TOX2: variants seen among roughly 807,000 people sequenced by gnomAD.
TOX2 encodes the protein granulosa cell HMG box 1.
A neutral mutation model predicts 47.4 loss-of-function variants in TOX2; 15 were observed. The observed-to-expected ratio is 0.32, with a 90% CI of 0.21 to 0.49. The LOEUF (loss-of-function observed/expected upper bound fraction) is 0.49, where lower values mean the gene tolerates loss of function less well. Among genes scored for constraint, TOX2 ranks in the 20% least tolerant of loss-of-function variants. The pLI is 0.99. For missense variants in TOX2, 622 were observed against 673.1 expected (o/e 0.92, Z 0.84); for synonymous variants, 290 against 296.6 (o/e 0.98, Z 0.23).
At chr20:44,013,798 G>T (rs922543203) in intron 3 of TOX2, among the ~76,000 whole-genome samples, 4 of 152,072 alleles carry the variant, frequency 2.6e-5, no homozygotes, top group Non-Finnish European at 4.4e-5. Flanking sequence ...TGACACCAAA[G>T]GGGAATGATT....
intron 2 of TOX2, among the ~76,000 whole-genome samples, chr20:44,000,592 G>C (rs1039995913): frequency 6.6e-6 from 1 of 152,110 alleles, no homozygotes; most frequent in East Asian, 1.9e-4. Context: ...GGTCTGGCTC[G>C]GTGGTAAGAA....
At chr20:43,975,007 A>G (rs899525512) in intron 2 of TOX2, among the ~76,000 whole-genome samples, 15 of 152,372 alleles carry the variant, frequency 9.8e-5, no homozygotes, top group African/African-American at 3.4e-4. Flanking sequence ...TTGGAAGAGT[A>G]CACTGATGTC....
chr20:43,980,466 T>A (rs2070151377), intron 2 of TOX2, among the ~76,000 whole-genome samples: 1 of 152,186 alleles, frequency 6.6e-6, no homozygotes, highest in Non-Finnish European at 1.5e-5. Flanking sequence ...CAACAAAGTA[T>A]AGTCAATAAT....
intron 1 of TOX2, among the ~76,000 whole-genome samples, chr20:43,934,834 G>C (rs1020610248): frequency 7.5e-6 from 1 of 134,142 alleles, no homozygotes; most frequent in Non-Finnish European, 1.7e-5. Context: ...GTATGTGGGG[G>C]TGTGTGTTGG....
intron 2 of TOX2, among the ~76,000 whole-genome samples, chr20:43,991,722 C>T (rs1173803013): frequency 6.6e-6 from 1 of 151,838 alleles, no homozygotes; most frequent in Non-Finnish European, 1.5e-5. Flanking sequence ...CAGCTCACTG[C>T]AACCTCCACC....
chr20:43,998,825 T>C (rs1036716798), intron 2 of TOX2, among the ~76,000 whole-genome samples: 1 of 152,182 alleles, frequency 6.6e-6, no homozygotes, highest in Non-Finnish European at 1.5e-5. Context: ...AGTGGCACAA[T>C]CTCAGCTCAC....
intron 2 of TOX2, among the ~76,000 whole-genome samples, chr20:43,994,421 T>G (rs11907404): frequency 0.4 from 59,242 of 147,830 alleles, 12,167 homozygotes; most frequent in South Asian, 0.51. Context: ...ATCATGCTAT[T>G]GCACTCTAGC....
chr20:44,026,228 G>GATATATAT (rs6147358), intron 3 of TOX2, among the ~76,000 whole-genome samples: 2,390 of 60,094 alleles, frequency 0.04, 355 homozygotes, highest in South Asian at 0.092. Context: ...AAGAAACTGT[G>GATATATAT]ATATATATAT....
At chr20:43,925,671 C>T (rs895233931) in intron 1 of TOX2, among the ~76,000 whole-genome samples, 16 of 152,140 alleles carry the variant, frequency 1.1e-4, no homozygotes, top group South Asian at 2.1e-4. Flanking sequence ...TGTTGGGTGC[C>T]GGTTCCTTAG....
At chr20:44,001,007 A>T (rs2070570687) in intron 2 of TOX2, among the ~76,000 whole-genome samples, 2 of 152,128 alleles carry the variant, frequency 1.3e-5, no homozygotes, top group African/African-American at 4.8e-5. Flanking sequence ...TGGGATGAAA[A>T]CATGATTGGA....
rs540081240 is a variant in TOX2 at position 44,002,966 on chromosome 20, T to A, written c.166-3581T>A. Among the ~76,000 whole-genome samples the A allele has an allele frequency of 2.6e-5, 4 of 152,100 alleles. No homozygotes were observed. In the East Asian group the frequency reaches 5.8e-4, roughly 22 times the overall value. On this transcript the variant is annotated intron_variant, in intron 2 of 8. Transcript: ENST00000341197. ...ACATGAGATTTGGAGGGGACAAATATCCAAACTGTATCAGAGGGTAAGTAA... is the reference window on the plus strand; with the variant it reads ...ACATGAGATTTGGAGGGGACAAATAACCAAACTGTATCAGAGGGTAAGTAA...
chr20:43,919,007 A>G (rs567629158), intron 1 of TOX2, among the ~76,000 whole-genome samples: 1 of 152,318 alleles, frequency 6.6e-6, no homozygotes, highest in South Asian at 2.1e-4. Flanking sequence ...GAGGCTTAGC[A>G]TCTCCGTTCC....
At chr20:44,050,149 A>G (rs765068264) in intron 3 of TOX2, among the ~76,000 whole-genome samples, 1 of 152,256 alleles carries the variant, frequency 6.6e-6, no homozygotes. Context: ...CAGTGTATAC[A>G]TGCATCAAAA....
intron 1 of TOX2, among the ~76,000 whole-genome samples, chr20:43,958,416 A>T (rs373043403): frequency 6.6e-6 from 1 of 152,210 alleles, no homozygotes; most frequent in South Asian, 2.1e-4. Context: ...CCCAGCACAC[A>T]TACCGGTTTT....
At chr20:43,964,267 C>G (rs150154403) in intron 1 of TOX2, among the ~76,000 whole-genome samples, 3 of 152,280 alleles carry the variant, frequency 2.0e-5, no homozygotes, top group African/African-American at 7.2e-5. Context: ...GCTTCCCAGG[C>G]CGTGCTCTAT....
chr20:43,998,908 C>G lies in TOX2; in HGVS notation c.166-7639C>G, dbSNP rs188621421. Among the ~76,000 whole-genome samples the G allele has an allele frequency of 9.2e-4, 140 of 152,186 alleles. 1 individual carries two copies. Among genetic ancestry groups the G allele is most frequent in the Non-Finnish European group, 6.9e-4 (47 of 68,004 alleles). ...CTGAGTAGCTGGGATTACAGGCACT[C>G]GCCACCATGTCCAGCTAATTTTTGT... is the stretch of plus-strand genomic sequence containing the variant. On this transcript the variant is annotated intron_variant, in intron 2 of 8. Coordinates refer to ENST00000341197, the MANE Select transcript of TOX2 (RefSeq NM_001098797.2).
At chr20:44,050,616 C>T (rs1387044499) in intron 3 of TOX2, among the ~76,000 whole-genome samples, 1 of 152,128 alleles carries the variant, frequency 6.6e-6, no homozygotes, top group African/African-American at 2.4e-5. Context: ...CAGAAGTAAC[C>T]AGTTAGAAAA....
intron 2 of TOX2, among the ~76,000 whole-genome samples, chr20:43,988,753 C>T (rs1000195242): frequency 6.6e-6 from 1 of 152,206 alleles, no homozygotes; most frequent in Non-Finnish European, 1.5e-5. Flanking sequence ...TAGACACATT[C>T]ACAAGCACAT....
At position 44,069,170 on chromosome 20, in the gene TOX2, C is replaced by T; in HGVS notation, c.*484C>T. ...TTGGTTCCGTGTAAGTAGTTGACTA[C>T]GTGTTTTAGAACTGTGCTGAAGACA... is the stretch of plus-strand genomic sequence containing the variant. On this transcript the variant is annotated 3_prime_UTR_variant, in exon 9 of 9. Transcript: ENST00000341197. The T allele has an allele frequency of 2.9e-6, 1 of 342,206 alleles. No homozygotes were observed. The highest frequency in any genetic ancestry group is 2.3e-5 in the South Asian group (1 of 43,542). 21.2% of individuals were successfully genotyped at this position (342,206 alleles called of 1,614,324 possible).
Sources: gnomAD v4.1 joint callset for allele counts (sites outside exome capture counted in the v4.1 genomes callset) on GRCh38, gnomAD v4.1.1 for gene constraint, MANE v1.5 for transcripts, NCBI Gene and HGNC (gene_info 2026-07-23, HGNC 2026-07-21) for gene names.